Variants in KAZN observed in about 807,000 individuals in gnomAD.
The protein encoded by KAZN is kazrin, periplakin interacting protein, also known as kazrin.
Under a neutral mutation model 87.4 loss-of-function variants are expected in KAZN, and 40 were observed. That is an observed-to-expected ratio of 0.46 (90% CI 0.36 to 0.60). The LOEUF (loss-of-function observed/expected upper bound fraction) is 0.60, where lower values mean the gene tolerates loss of function less well. Among genes scored for constraint, KAZN ranks in the 20% least tolerant of loss-of-function variants. The pLI is 0.00. For synonymous variants in KAZN, 466 were observed against 458.3 expected (o/e 1.02, Z -0.22); for missense variants, 898 against 1,073.9 (o/e 0.84, Z 2.29).
chr1:14,737,230 C>A (rs1158432883), intron 1 of KAZN, among the ~76,000 whole-genome samples: 1 of 151,960 alleles, frequency 6.6e-6, no homozygotes, highest in Non-Finnish European at 1.5e-5. Flanking sequence ...CAGGGTGCTC[C>A]AACATGCAAG....
chr1:14,282,213 G>T (rs1652894540), intron 2 of KAZN, among the ~76,000 whole-genome samples: 1 of 152,068 alleles, frequency 6.6e-6, no homozygotes, highest in South Asian at 2.1e-4. Flanking sequence ...TCAATCACTG[G>T]ACAGGACAGG....
At chr1:13,901,429 G>C (rs1405223513) in intron 1 of KAZN, among the ~76,000 whole-genome samples, 2 of 152,164 alleles carry the variant, frequency 1.3e-5, no homozygotes, top group Non-Finnish European at 1.5e-5. Flanking sequence ...TGAAACAAGG[G>C]GCCGGACAGG....
chr1:15,042,156 T>A (rs971554386), intron 3 of KAZN, among the ~76,000 whole-genome samples: 3 of 152,194 alleles, frequency 2.0e-5, no homozygotes, highest in African/African-American at 7.2e-5. Context: ...GTGACTGCGA[T>A]GAGACAAAAA....
intron 2 of KAZN, among the ~76,000 whole-genome samples, chr1:14,504,281 A>G (rs1034634293): frequency 2.3e-4 from 35 of 152,226 alleles, no homozygotes; most frequent in African/African-American, 8.0e-4. Flanking sequence ...CACTGGCCAC[A>G]TTTACCGTTA....
chr1:14,245,751 CTG>C (rs1407358547), intron 2 of KAZN, among the ~76,000 whole-genome samples: 3 of 152,278 alleles, frequency 2.0e-5, no homozygotes, highest in East Asian at 1.9e-4. Flanking sequence ...AGTATCATCA[CTG>C]TTTTTATTCA....
chr1:14,273,892 G>A (rs1476573092), intron 2 of KAZN, among the ~76,000 whole-genome samples: 1 of 151,938 alleles, frequency 6.6e-6, no homozygotes, highest in Non-Finnish European at 1.5e-5. Context: ...CTAAGTAAAA[G>A]CGCTTGGGTG....
intron 2 of KAZN, chr1:14,222,153 T>C (rs879655824): frequency 6.6e-5 from 10 of 152,198 alleles, no homozygotes; most frequent in Non-Finnish European, 1.3e-4. Flanking sequence ...TTTGACAAAT[T>C]TGGGTTTTAA....
In KAZN at chr1:14,453,239, G is replaced by A. The variant is rs185739297; in HGVS notation, c.250-145744G>A. ...CAAAGTGCTGGGATTACAGGCGTGA[G>A]CCACCGTGCCTGGCCAAAATAGGCC... On this transcript the variant is annotated intron_variant, in intron 2 of 16. Transcript: ENST00000636203. Among the ~76,000 whole-genome samples the A allele has an allele frequency of 3.3e-3, 496 of 152,222 alleles. 4 individuals are homozygous for A. The highest frequency in any genetic ancestry group is 9.0e-3 in the Admixed American group (137 of 15,298).
chr1:14,474,304 T>A (rs1044384866), intron 2 of KAZN, among the ~76,000 whole-genome samples: 1 of 148,766 alleles, frequency 6.7e-6, no homozygotes, highest in Admixed American at 6.7e-5. Flanking sequence ...AAACGTACTT[T>A]AAAAAAAAAA....
intron 1 of KAZN, among the ~76,000 whole-genome samples, chr1:14,010,445 G>T (rs1041327152): frequency 6.6e-6 from 1 of 152,186 alleles, no homozygotes; most frequent in Non-Finnish European, 1.5e-5. Context: ...AAGAAAGGAT[G>T]CCAGCGATGA....
At chr1:14,122,038 C>T (rs750962395) in intron 1 of KAZN, among the ~76,000 whole-genome samples, 11 of 152,044 alleles carry the variant, frequency 7.2e-5, no homozygotes, top group Non-Finnish European at 1.2e-4. Context: ...AAGACTGGCC[C>T]CTGCAGGATT....
intron 2 of KAZN, among the ~76,000 whole-genome samples, chr1:14,966,817 A>G (rs4661552): frequency 1 from 151,536 of 152,266 alleles, 75,405 homozygotes; most frequent in East Asian, 1. Context: ...GACTACAGGC[A>G]TGTGCCACCA....
At chr1:14,524,320 C>T (rs865788226) in intron 2 of KAZN, among the ~76,000 whole-genome samples, 2 of 152,116 alleles carry the variant, frequency 1.3e-5, no homozygotes, top group Non-Finnish European at 2.9e-5. Flanking sequence ...CCGCACCCAA[C>T]GAAGGTGTGT....
At chr1:13,916,050 T>G (rs1345430390) in intron 1 of KAZN, among the ~76,000 whole-genome samples, 1 of 152,086 alleles carries the variant, frequency 6.6e-6, no homozygotes, top group African/African-American at 2.4e-5. Context: ...CCCTAACCAG[T>G]AAGGTCTTTG....
chr1:14,659,271 G>A (rs1404345423), intron 1 of KAZN, among the ~76,000 whole-genome samples: 2 of 151,570 alleles, frequency 1.3e-5, no homozygotes, highest in Non-Finnish European at 3.0e-5. Context: ...AAATAAAAGA[G>A]ACTGCCAGGA....
chr1:14,407,938 G>C (rs1440310229), intron 2 of KAZN, among the ~76,000 whole-genome samples: 1 of 152,142 alleles, frequency 6.6e-6, no homozygotes, highest in African/African-American at 2.4e-5. Flanking sequence ...CTTTATGCAG[G>C]TTCTTTATGC....
At chr1:14,553,163 C>T (rs921889488) in intron 2 of KAZN, among the ~76,000 whole-genome samples, 10 of 152,082 alleles carry the variant, frequency 6.6e-5, no homozygotes, top group African/African-American at 2.4e-4. Flanking sequence ...TCACTGGAAG[C>T]CAGGAATTCG....
chr1:14,910,357 G>C lies in KAZN; in HGVS notation c.227-50327G>C, dbSNP rs117149682. The stretch of plus-strand genomic sequence containing the variant: ...GTGCCCTACCAACTCCTCCGTCTCA[G>C]GATCCGGTTCCTGGCCTGGGGCCCT... On this transcript the variant is annotated intron_variant, in intron 1 of 14. Transcript: ENST00000376030. Among the ~76,000 whole-genome samples, 371 of 152,304 alleles carry C rather than the reference G, an allele frequency of 2.4e-3. 9 individuals carry two copies. The East Asian group carries it at 0.039, about 16-fold the overall frequency.
chr1:14,523,930 TAAGG>T (rs896833482), intron 2 of KAZN, among the ~76,000 whole-genome samples: 1 of 152,218 alleles, frequency 6.6e-6, no homozygotes, highest in African/African-American at 2.4e-5. Flanking sequence ...ATTGAATAGC[TAAGG>T]GAGAGCGAGG....
Sources: gnomAD v4.1 joint callset for allele counts (sites outside exome capture counted in the v4.1 genomes callset) on GRCh38, gnomAD v4.1.1 for gene constraint, MANE v1.5 for transcripts, NCBI Gene and HGNC (gene_info 2026-07-23, HGNC 2026-07-21) for gene names.